Variants in CHD9 observed in about 807,000 individuals in gnomAD.
CHD9 encodes chromodomain helicase DNA binding protein 9.
A neutral mutation model predicts 316.1 loss-of-function variants in CHD9; 77 were observed. That is an observed-to-expected ratio of 0.24 (90% CI 0.20 to 0.29). The LOEUF is 0.29. Ranked by LOEUF, CHD9 falls within the 10% of genes least tolerant of loss-of-function variation. The pLI is 1.00. For synonymous variants in CHD9, 1,129 were observed against 1,158.3 expected (o/e 0.97, Z 0.51); for missense variants, 2,763 against 3,438.1 (o/e 0.80, Z 4.91).
chr16:53,138,500 A>G (rs1318897010), intron 1 of CHD9, among the ~76,000 whole-genome samples: 1 of 152,204 alleles, frequency 6.6e-6, no homozygotes, highest in Non-Finnish European at 1.5e-5. Flanking sequence ...AGAAAATTCA[A>G]GGTATGGTTT....
At chr16:53,211,980 A>T (rs563032007) in intron 3 of CHD9, among the ~76,000 whole-genome samples, 1 of 152,330 alleles carries the variant, frequency 6.6e-6, no homozygotes, top group South Asian at 2.1e-4. Context: ...ATAATTAAAC[A>T]TCTCATTTAA....
At chr16:53,301,218 A>G (rs539857652) in intron 30 of CHD9, among the ~76,000 whole-genome samples, 2 of 152,182 alleles carry the variant, frequency 1.3e-5, no homozygotes, top group South Asian at 4.1e-4. Flanking sequence ...ATAAATTTCA[A>G]TCGCTTCTCT....
chr16:53,293,767 A>G (rs971448731), intron 29 of CHD9, among the ~76,000 whole-genome samples: 4 of 152,088 alleles, frequency 2.6e-5, no homozygotes, highest in Admixed American at 1.3e-4. Context: ...CCTCGCTAAC[A>G]TGGCAAAACC....
chr16:53,062,511 G>A (rs1056612154), intron 1 of CHD9, among the ~76,000 whole-genome samples: 6 of 152,120 alleles, frequency 3.9e-5, no homozygotes, highest in Admixed American at 2.0e-4. Flanking sequence ...GGAGGTACAC[G>A]CAGGGAGGTC....
intron 1 of CHD9, among the ~76,000 whole-genome samples, chr16:53,092,035 T>G (rs1212761156): frequency 6.6e-6 from 1 of 152,176 alleles, no homozygotes; most frequent in East Asian, 1.9e-4. Context: ...ATAGGGCATG[T>G]GACCAAACTG....
intron 36 of CHD9, among the ~76,000 whole-genome samples, chr16:53,317,022 C>A (rs1343331694): frequency 2.6e-5 from 4 of 151,876 alleles, no homozygotes; most frequent in Admixed American, 2.6e-4. Context: ...AACATGGTAC[C>A]CCATCTCTAC....
At chr16:53,218,388 A>G (rs1055035526) in intron 3 of CHD9, among the ~76,000 whole-genome samples, 51 of 152,186 alleles carry the variant, frequency 3.4e-4, no homozygotes, top group Non-Finnish European at 8.8e-5. Context: ...AAACATTTTT[A>G]TCTAACCTAA....
intron 34 of CHD9, among the ~76,000 whole-genome samples, chr16:53,312,670 G>T (rs1255148136): frequency 6.6e-6 from 1 of 152,168 alleles, no homozygotes; most frequent in Non-Finnish European, 1.5e-5. Context: ...AGGGGTCAGA[G>T]GTTGAGAATC....
intron 26 of CHD9, among the ~76,000 whole-genome samples, chr16:53,287,492 C>T (rs776674237): frequency 2.0e-5 from 3 of 152,164 alleles, no homozygotes; most frequent in Non-Finnish European, 2.9e-5. Context: ...CTTTGGGAGG[C>T]CAAGGCAGGT....
At chr16:53,244,486 C>T (rs1014859718) in intron 13 of CHD9, among the ~76,000 whole-genome samples, 5 of 152,088 alleles carry the variant, frequency 3.3e-5, no homozygotes, top group Non-Finnish European at 5.9e-5. Flanking sequence ...CCACCGCGCC[C>T]GGCCTCAAAG....
intron 22 of CHD9, among the ~76,000 whole-genome samples, chr16:53,271,407 A>G (rs992902239): frequency 1.3e-5 from 2 of 151,962 alleles, no homozygotes; most frequent in African/African-American, 4.8e-5. Context: ...CGTCTCTACT[A>G]AAAATACAAA....
intron 34 of CHD9, chr16:53,311,718 A>G (rs2056492388): frequency 6.6e-6 from 1 of 152,214 alleles, no homozygotes; most frequent in Admixed American, 6.5e-5. Context: ...AACTACCTGG[A>G]ATAGTGAATA....
chr16:53,198,242 T>G (rs2045108520), intron 2 of CHD9, among the ~76,000 whole-genome samples: 1 of 151,884 alleles, frequency 6.6e-6, no homozygotes, highest in Non-Finnish European at 1.5e-5. Context: ...TACCAAGTTA[T>G]AAATTTCTTT....
At chr16:53,143,594 A>G (rs1376311332) in intron 1 of CHD9, among the ~76,000 whole-genome samples, 5 of 151,874 alleles carry the variant, frequency 3.3e-5, no homozygotes, top group Non-Finnish European at 5.9e-5. Context: ...GCACCATGTT[A>G]GCCAGGATGG....
intron 2 of CHD9, among the ~76,000 whole-genome samples, chr16:53,198,700 G>A (rs963349930): frequency 4.6e-5 from 7 of 152,078 alleles, no homozygotes; most frequent in South Asian, 2.1e-4. Context: ...TATTTTAAAC[G>A]GACTGTCATG....
rs546646022 is a variant in CHD9 at position 53,306,355 on chromosome 16, C to A, written c.6738C>A (p.Ile2246=). The change falls in exon 32 of 39, where the codon ATC becomes ATA. Residue 2246 remains isoleucine (I), a synonymous_variant. Coordinates refer to ENST00000447540, the MANE Select transcript of CHD9 (RefSeq NM_001308319.2). ...ATGGGACACCAGAGTCTGCTTATAT[C>A]TTACAAGGTGGATATATGCTGGCAG... ...MNNGTPESAY[I]LQGGYMLAAS... 1.9e-6 allele frequency: 3 copies of A among 1,608,160 alleles called. No homozygotes were observed. In the African/African-American group the frequency reaches 4.0e-5, roughly 22 times the overall value.
At chr16:53,244,922 G>A (rs1046284638) in intron 13 of CHD9, among the ~76,000 whole-genome samples, 2 of 151,866 alleles carry the variant, frequency 1.3e-5, no homozygotes, top group Non-Finnish European at 2.9e-5. Flanking sequence ...AGACCAGCTG[G>A]GTAACATAGT....
At chr16:53,208,093 A>T (rs1597435573) in intron 2 of CHD9, 1 of 1,005,404 alleles carries the variant, frequency 9.9e-7, no homozygotes, top group Non-Finnish European at 1.2e-6. Flanking sequence ...GCTTTTTAGG[A>T]GTGTTTACAG....
chr16:53,229,440 A>C (rs565874231), intron 8 of CHD9, among the ~76,000 whole-genome samples: 99 of 152,286 alleles, frequency 6.5e-4, no homozygotes, highest in African/African-American at 2.4e-3. Flanking sequence ...ATGGAAAATA[A>C]GATTTTTCAG....
Sources: allele counts gnomAD v4.1 joint callset (sites outside exome capture counted in the v4.1 genomes callset), GRCh38; gene constraint gnomAD v4.1.1; transcripts MANE v1.5; gene names NCBI Gene and HGNC (gene_info 2026-07-23, HGNC 2026-07-21).